The following AGPAT5 variants were observed in gnomAD, a reference collection of about 807,000 sequenced individuals.
The protein encoded by AGPAT5 is 1-acyl-sn-glycerol-3-phosphate acyltransferase epsilon.
A neutral mutation model predicts 45.6 loss-of-function variants in AGPAT5; 46 were observed. That is an observed-to-expected ratio of 1.01 (90% CI 0.80 to 1.29). AGPAT5 has a LOEUF of 1.29. Ranked by LOEUF, AGPAT5 falls within the 50% of genes most tolerant of loss-of-function variation. The pLI, the probability that AGPAT5 is intolerant of heterozygous loss-of-function variation, is 0.00. For synonymous variants in AGPAT5, 272 were observed against 167.0 expected, an observed-to-expected ratio of 1.63 and a Z score of -4.85; for missense variants, 673 against 450.7, an observed-to-expected ratio of 1.49 and a Z score of -4.47.
intron 4 of AGPAT5, among the ~76,000 whole-genome samples, chr8:6,737,072 C>G (rs965363850): frequency 6.6e-6 from 1 of 152,182 alleles, no homozygotes; most frequent in African/African-American, 2.4e-5. Context: ...ATAACCTAGT[C>G]TGGTTATGGG....
At chr8:6,752,824 AG>A (rs1801702162) in intron 6 of AGPAT5, among the ~76,000 whole-genome samples, 1 of 152,200 alleles carries the variant, frequency 6.6e-6, no homozygotes, top group Admixed American at 6.5e-5. Context: ...TTAAACCTAT[AG>A]GAAGTATTTA....
chr8:6,724,472 G>T (rs367642070), intron 1 of AGPAT5, among the ~76,000 whole-genome samples: 4 of 152,060 alleles, frequency 2.6e-5, no homozygotes, highest in East Asian at 1.9e-4. Flanking sequence ...CCTTAAAAAG[G>T]TACCATATTT....
chr8:6,711,368 A>T (rs996594529), intron 1 of AGPAT5, among the ~76,000 whole-genome samples: 5 of 152,216 alleles, frequency 3.3e-5, no homozygotes. Context: ...GAAATATTTC[A>T]GTCAGTGCTG....
At chr8:6,733,291 G>A (rs1044523286) in intron 4 of AGPAT5, among the ~76,000 whole-genome samples, 3 of 152,266 alleles carry the variant, frequency 2.0e-5, no homozygotes, top group Non-Finnish European at 2.9e-5. Context: ...AGCTTAGCTC[G>A]TGTGCACAGG....
chr8:6,735,844 A>G (rs1269298489), intron 4 of AGPAT5, among the ~76,000 whole-genome samples: 2 of 128,902 alleles, frequency 1.6e-5, no homozygotes, highest in Admixed American at 8.2e-5. Flanking sequence ...TATTCTTTAT[A>G]TAGCCTTTTT....
chr8:6,714,049 G>C (rs1417740492), intron 1 of AGPAT5, among the ~76,000 whole-genome samples: 1 of 152,212 alleles, frequency 6.6e-6, no homozygotes, highest in African/African-American at 2.4e-5. Context: ...GGAGAAGGGA[G>C]CTTATAAGTC....
chr8:6,743,793 T>C lies in AGPAT5; in HGVS notation c.586+2042T>C, dbSNP rs552129485. Among the ~76,000 whole-genome samples, 70 of 151,822 alleles carry C rather than the reference T, an allele frequency of 4.6e-4. 2 individuals carry two copies. In the South Asian group the frequency reaches 0.014, roughly 30 times the overall value. On this transcript the variant is annotated intron_variant, in intron 5 of 7. Coordinates refer to ENST00000285518, the MANE Select transcript of AGPAT5 (RefSeq NM_018361.5). ...GGTGGTTTTTTTTTTTTAATTGCCA[T>C]GGTTAAAACCATAGTTGCTAGCGAA...
At chr8:6,729,029 C>G (rs931859528) in intron 2 of AGPAT5, among the ~76,000 whole-genome samples, 2 of 152,124 alleles carry the variant, frequency 1.3e-5, no homozygotes, top group African/African-American at 4.8e-5. Context: ...CAACATTCTA[C>G]TTATAGGGAG....
chr8:6,737,966 G>A (rs1046166556), intron 4 of AGPAT5, among the ~76,000 whole-genome samples: 3 of 152,192 alleles, frequency 2.0e-5, no homozygotes, highest in African/African-American at 7.2e-5. Context: ...CCTTGCTCTG[G>A]ATTAGGATTT....
In AGPAT5 at chr8:6,759,426, C is replaced by T. The variant is rs934320382; in HGVS notation, c.*2038C>T. ...ATCAAAATGTTTGGAAAATTAGAAG[C>T]TTCTCCTTAACCTGTATTGATACTG... On this transcript the variant is annotated 3_prime_UTR_variant, in exon 8 of 8. Transcript: ENST00000285518. 1.3e-5 allele frequency: 2 copies of T among 152,112 alleles called. No homozygotes were observed. The highest frequency in any genetic ancestry group is 2.9e-5 in the Non-Finnish European group (2 of 67,986). 9.4% of individuals were successfully genotyped at this position (152,112 alleles called of 1,614,324 possible). A position where few individuals can be genotyped will look rare whatever the true frequency, so the allele number is the denominator to read the frequency against.
Position 6,757,520 on chromosome 8 carries a change from G to A in AGPAT5, c.*132G>A. 1.4e-6 allele frequency: 1 copy of A among 732,456 alleles called. No individual in the cohort carries two copies. Among genetic ancestry groups the A allele is most frequent in the Non-Finnish European group, 2.2e-6 (1 of 448,442 alleles). 45.4% of individuals were successfully genotyped at this position (732,456 alleles called of 1,614,324 possible). On this transcript the variant is annotated 3_prime_UTR_variant, in exon 8 of 8. Transcript: ENST00000285518. ...CTTGTTGATTGAAGATTGGATAATA[G>A]AATTTGTGACGAAAGCTGATATGCA...
chr8:6,738,037 T>G (rs539447985), intron 4 of AGPAT5, among the ~76,000 whole-genome samples: 1 of 152,346 alleles, frequency 6.6e-6, no homozygotes, highest in Admixed American at 6.5e-5. Context: ...ACTTTCTCCA[T>G]ATCAGCAATA....
chr8:6,727,042 G>T (rs527327048), intron 2 of AGPAT5, among the ~76,000 whole-genome samples: 1 of 152,108 alleles, frequency 6.6e-6, no homozygotes, highest in Non-Finnish European at 1.5e-5. Context: ...TTGTCTGATT[G>T]TGTTTAGGTA....
chr8:6,709,624 T>G (rs1054941399), intron 1 of AGPAT5: 33 of 152,160 alleles, frequency 2.2e-4, no homozygotes, highest in African/African-American at 7.2e-4. Context: ...GCTTTATTCT[T>G]GGTTATTCCT....
chr8:6,735,834 T>C (rs1801032124), intron 4 of AGPAT5, among the ~76,000 whole-genome samples: 2 of 151,434 alleles, frequency 1.3e-5, no homozygotes, highest in Admixed American at 1.3e-4. Flanking sequence ...TGTTCCTGTT[T>C]ATTCTTTATA....
chr8:6,724,490 A>G (rs1800616261), intron 1 of AGPAT5, among the ~76,000 whole-genome samples: 1 of 152,130 alleles, frequency 6.6e-6, no homozygotes, highest in Non-Finnish European at 1.5e-5. Flanking sequence ...TTTTCATAGT[A>G]TTTGCGTTAT....
chr8:6,757,874 A>G lies in AGPAT5; in HGVS notation c.*486A>G, dbSNP rs1801898671. 6.5e-6 allele frequency: 1 copy of G among 153,416 alleles called. No homozygotes were observed. Among genetic ancestry groups the G allele is most frequent in the Non-Finnish European group, 1.5e-5 (1 of 68,902 alleles). 9.5% of individuals were successfully genotyped at this position (153,416 alleles called of 1,614,324 possible). A position where few individuals can be genotyped will look rare whatever the true frequency, so the allele number is the denominator to read the frequency against. On this transcript the variant is annotated 3_prime_UTR_variant, in exon 8 of 8. Coordinates refer to ENST00000285518, the MANE Select transcript of AGPAT5 (RefSeq NM_018361.5). ...TCAGTGAAATAAATTGTATTTAGGA[A>G]GTGTCAGGATGTTCAAAGGAAAGGG...
rs769547566 is a variant in AGPAT5, at chr8:6,755,066, A to C, written c.761A>C (p.Glu254Ala). ...SPTMTEFLCK[E>A]CPKIHIHIDR... ...TCTTTGTTAGAATTTCTCTGCAAAG[A>C]ATGTCCAAAAATTCATATTCACATT... The change falls in exon 7 of 8, where the codon GAA becomes GCA. Residue 254 changes from glutamate to alanine, a missense_variant. Transcript: ENST00000285518. The C allele has an allele frequency of 6.3e-7, 1 of 1,592,626 alleles. No homozygotes were observed. Among genetic ancestry groups the C allele is most frequent in the Non-Finnish European group, 8.5e-7 (1 of 1,172,596 alleles).
intron 1 of AGPAT5, among the ~76,000 whole-genome samples, chr8:6,712,615 A>C: frequency 6.6e-6 from 1 of 152,174 alleles, no homozygotes; most frequent in Non-Finnish European, 1.5e-5. Context: ...ATTAAAAGGA[A>C]AGTTGGAGTA....
Sources: gnomAD v4.1 joint callset for allele counts (sites outside exome capture counted in the v4.1 genomes callset) on GRCh38, gnomAD v4.1.1 for gene constraint, MANE v1.5 for transcripts, NCBI Gene and HGNC (gene_info 2026-07-23, HGNC 2026-07-21) for gene names.